IRAG1: variants seen among roughly 807,000 people sequenced by gnomAD.
The protein encoded by IRAG1 is inositol 1,4,5-triphosphate receptor associated 1.
In IRAG1, 62 loss-of-function variants were observed where a neutral mutation model predicts 106.2. That is an observed-to-expected ratio of 0.58 (90% CI 0.48 to 0.72). IRAG1 has a LOEUF of 0.72. IRAG1 is among the 30% of genes least tolerant of loss of function. The pLI is 0.00. For missense variants in IRAG1, 1,064 were observed against 1,140.7 expected, an observed-to-expected ratio of 0.93 and a Z score of 0.97; for synonymous variants, 462 against 443.9, an observed-to-expected ratio of 1.04 and a Z score of -0.51.
At chr11:10,603,508 T>C (rs1854210386) in intron 13 of IRAG1, among the ~76,000 whole-genome samples, 2 of 152,152 alleles carry the variant, frequency 1.3e-5, no homozygotes, top group Non-Finnish European at 2.9e-5. Flanking sequence ...CTGCTGCTGA[T>C]CTGACAGGCG....
At chr11:10,624,773 G>C (rs1178956007) in intron 9 of IRAG1, among the ~76,000 whole-genome samples, 1 of 152,220 alleles carries the variant, frequency 6.6e-6, no homozygotes. Flanking sequence ...TCAGGTGCCA[G>C]GGTAGTGGTT....
At position 10,659,198 on chromosome 11, in the gene IRAG1, G is replaced by T. The variant is rs1859202514; in HGVS notation, c.68-7016C>A. On this transcript the variant is annotated intron_variant, in intron 1 of 20. Coordinates refer to ENST00000423302, the MANE Select transcript of IRAG1 (RefSeq NM_130385.4). This position sits in a 1 kb window ranked among gnomAD's most constrained non-coding sequence, Gnocchi z 4.1. Reference sequence around the variant, plus strand: ...TGAGGCCTAGTGTGGAATCCCTCCTGGAAGAGAGCCAGCCACAGTGTCTGG... The same window carrying T: ...TGAGGCCTAGTGTGGAATCCCTCCTTGAAGAGAGCCAGCCACAGTGTCTGG... Among the ~76,000 whole-genome samples the T allele has an allele frequency of 6.6e-6, 1 of 152,200 alleles. No homozygotes were observed. The highest frequency in any genetic ancestry group is 1.5e-5 in the Non-Finnish European group (1 of 68,022).
intron 11 of IRAG1, among the ~76,000 whole-genome samples, chr11:10,608,475 AC>A (rs779990262): frequency 2.7e-4 from 41 of 151,662 alleles, no homozygotes; most frequent in Non-Finnish European, 5.2e-4. Context: ...CTGGGGGGAA[AC>A]TCTGAGGACT....
chr11:10,692,469 G>A (rs1176442743), intron 1 of IRAG1, among the ~76,000 whole-genome samples: 1 of 152,046 alleles, frequency 6.6e-6, no homozygotes, highest in Non-Finnish European at 1.5e-5. Flanking sequence ...TTGGGGTAGG[G>A]GAGTGCAGGG....
intron 1 of IRAG1, among the ~76,000 whole-genome samples, chr11:10,669,650 C>T (rs1432347950): frequency 3.3e-5 from 5 of 152,218 alleles, no homozygotes; most frequent in Admixed American, 2.6e-4. Context: ...AGATGAAAAG[C>T]ACATGGATGA....
intron 5 of IRAG1, 30 bp downstream of exon 5, chr11:10,629,508 G>A (rs759702525): frequency 7.5e-6 from 12 of 1,602,262 alleles, no homozygotes; most frequent in African/African-American, 2.7e-5. Context: ...AGGGGCTCAG[G>A]GCAGCCACCT....
intron 17 of IRAG1, 161 bp downstream of exon 17, chr11:10,593,331 G>A: frequency 3.5e-6 from 2 of 565,160 alleles, no homozygotes; most frequent in Admixed American, 3.1e-5. Context: ...GCAGCCTGGT[G>A]TATATTGAGT....
intron 2 of IRAG1, among the ~76,000 whole-genome samples, chr11:10,635,902 C>CTGT (rs1204052078): frequency 0.046 from 7,026 of 152,144 alleles, 504 homozygotes; most frequent in African/African-American, 0.15. Flanking sequence ...TGTTCTTATC[C>CTGT]GGGAGCGATT....
chr11:10,597,620 G>A (rs1452265683), intron 15 of IRAG1, among the ~76,000 whole-genome samples: 1 of 152,148 alleles, frequency 6.6e-6, no homozygotes, highest in Non-Finnish European at 1.5e-5. Context: ...GCCTCCCAAA[G>A]TGTTAGGATT....
At chr11:10,603,910 C>A (rs1854254774) in intron 13 of IRAG1, among the ~76,000 whole-genome samples, 1 of 152,318 alleles carries the variant, frequency 6.6e-6, no homozygotes, top group Admixed American at 6.5e-5. Flanking sequence ...GGCCTTCCAG[C>A]CTCCAGAACT....
At position 10,655,164 on chromosome 11, in the gene IRAG1, G is replaced by C. The variant is rs577146424; in HGVS notation, c.68-2982C>G. Among the ~76,000 whole-genome samples, 127 of 152,280 alleles carry C rather than the reference G, an allele frequency of 8.3e-4. 3 individuals carry two copies. The South Asian group carries it at 0.025, about 30-fold the overall frequency. On this transcript the variant is annotated intron_variant, in intron 1 of 20. Transcript: ENST00000423302. Reference sequence around the variant, plus strand: ...AAAATTATGTGTGACGTATGTACAGGTCCAGGCTGTCTTAACAGGGGCATG... The same window carrying C: ...AAAATTATGTGTGACGTATGTACAGCTCCAGGCTGTCTTAACAGGGGCATG...
chr11:10,599,107 A>G (rs1449954395), intron 15 of IRAG1, among the ~76,000 whole-genome samples: 1 of 152,190 alleles, frequency 6.6e-6, no homozygotes, highest in African/African-American at 2.4e-5. Flanking sequence ...GACCTTTCCT[A>G]CGGTAAGCGT....
chr11:10,639,974 T>G (rs1335709548), intron 2 of IRAG1, among the ~76,000 whole-genome samples: 1 of 152,180 alleles, frequency 6.6e-6, no homozygotes, highest in Non-Finnish European at 1.5e-5. Context: ...CCAGGGTCTA[T>G]GCTAAGGTCT....
intron 1 of IRAG1, among the ~76,000 whole-genome samples, chr11:10,686,428 TC>T (rs1488235780): frequency 6.6e-6 from 1 of 152,202 alleles, no homozygotes; most frequent in Non-Finnish European, 1.5e-5. Flanking sequence ...TTTGTATTTT[TC>T]CTTCTAAATA....
chr11:10,678,834 T>C (rs1860914037), intron 1 of IRAG1, among the ~76,000 whole-genome samples: 1 of 152,152 alleles, frequency 6.6e-6, no homozygotes, highest in Non-Finnish European at 1.5e-5. Context: ...TGTTTACCTT[T>C]TCTGGGTCTT....
chr11:10,631,606 G>A (rs1483136071), intron 4 of IRAG1, among the ~76,000 whole-genome samples: 1 of 152,202 alleles, frequency 6.6e-6, no homozygotes, highest in Non-Finnish European at 1.5e-5. Flanking sequence ...AGGGCAGATC[G>A]TGAGCCACCA....
At position 10,628,632 on chromosome 11, in the gene IRAG1, G is replaced by A. The variant is rs1856454410; in HGVS notation, c.652+119C>T. 6.0e-6 allele frequency: 5 copies of A among 827,664 alleles called. No individual in the cohort carries two copies. In the South Asian group the frequency reaches 6.2e-5, roughly 10 times the overall value. The allele number at this position is 827,664 out of a possible 1,614,324, so 51.3% of individuals were successfully genotyped here. A position where few individuals can be genotyped will look rare whatever the true frequency, so the allele number is the denominator to read the frequency against. ...AGGGGTCTTGCTCTGGGTGTGAAGG[G>A]GCCATCAGAGTTCTTGAAGGGGAAG... is the stretch of plus-strand genomic sequence containing the variant. On this transcript the variant is annotated intron_variant, in intron 6 of 20. Coordinates refer to ENST00000423302, the MANE Select transcript of IRAG1 (RefSeq NM_130385.4). This position sits in a 1 kb window ranked among gnomAD's most constrained non-coding sequence, Gnocchi z 4.1.
At chr11:10,688,950 A>T (rs1027663270) in intron 1 of IRAG1, among the ~76,000 whole-genome samples, 2 of 152,152 alleles carry the variant, frequency 1.3e-5, no homozygotes, top group African/African-American at 4.8e-5. Flanking sequence ...GAGGACAATG[A>T]CAGTAACTAC....
At chr11:10,609,098 C>T (rs903024883) in intron 11 of IRAG1, among the ~76,000 whole-genome samples, 2 of 152,134 alleles carry the variant, frequency 1.3e-5, no homozygotes, top group Admixed American at 1.3e-4. Context: ...GTAAATCTTA[C>T]CAAAACCCTT....
Sources: allele counts gnomAD v4.1 joint callset (sites outside exome capture counted in the v4.1 genomes callset), GRCh38; gene constraint gnomAD v4.1.1; non-coding constraint Gnocchi (gnomAD v3.1); transcripts MANE v1.5; gene names NCBI Gene and HGNC (gene_info 2026-07-23, HGNC 2026-07-21).